C9orf153: variants seen among roughly 807,000 people sequenced by gnomAD.
C9orf153 encodes the protein chromosome 9 open reading frame 153, also known as uncharacterized protein C9orf153.
Under a neutral mutation model 9.0 loss-of-function variants are expected in C9orf153, and 10 were observed. The observed-to-expected ratio is 1.11, with a 90% CI of 0.69 to 1.89. The LOEUF is 1.89. Among genes scored for constraint, C9orf153 ranks in the 40% most tolerant of loss-of-function variants. C9orf153 has a pLI of 0.00. For synonymous variants in C9orf153, 35 were observed against 37.3 expected, an observed-to-expected ratio of 0.94 and a Z score of 0.23; for missense variants, 108 against 111.0, an observed-to-expected ratio of 0.97 and a Z score of 0.12.
chr9:86,242,970 C>T (rs559115568), intron 1 of C9orf153, among the ~76,000 whole-genome samples: 4 of 152,302 alleles, frequency 2.6e-5, no homozygotes, highest in South Asian at 2.1e-4. Flanking sequence ...TGAACCACCA[C>T]GCCCAGCCCC....
intron 1 of C9orf153, chr9:86,258,759 T>C (rs1035788404): frequency 3.9e-5 from 6 of 152,312 alleles, no homozygotes; most frequent in African/African-American, 1.4e-4. Context: ...TATACTTAAA[T>C]TTTAGAGCAA....
intron 2 of C9orf153, chr9:86,228,676 G>C (rs1824395039): frequency 6.6e-6 from 1 of 152,412 alleles, no homozygotes; most frequent in Non-Finnish European, 1.5e-5. Flanking sequence ...TCCTTTCTAA[G>C]AGGTTTCTTA....
At chr9:86,241,923 G>A (rs1477538373) in intron 1 of C9orf153, among the ~76,000 whole-genome samples, 1 of 152,200 alleles carries the variant, frequency 6.6e-6, no homozygotes, top group Non-Finnish European at 1.5e-5. Flanking sequence ...ACTATGCCCG[G>A]CCTCTTGTGG....
chr9:86,251,525 TA>T (rs1270379244), intron 1 of C9orf153, among the ~76,000 whole-genome samples: 1 of 152,026 alleles, frequency 6.6e-6, no homozygotes, highest in Non-Finnish European at 1.5e-5. Flanking sequence ...CAAAGTGTAA[TA>T]AGAAAAGTAG....
intron 1 of C9orf153, among the ~76,000 whole-genome samples, chr9:86,252,913 A>G (rs1409340829): frequency 6.6e-6 from 1 of 152,226 alleles, no homozygotes; most frequent in Non-Finnish European, 1.5e-5. Context: ...GAACTGATAG[A>G]GAACTGAAAT....
At chr9:86,249,837 G>A (rs1162283413) in intron 1 of C9orf153, among the ~76,000 whole-genome samples, 1 of 152,174 alleles carries the variant, frequency 6.6e-6, no homozygotes, top group Non-Finnish European at 1.5e-5. Context: ...ATGAGACACT[G>A]CACTTGGCCA....
intron 1 of C9orf153, among the ~76,000 whole-genome samples, chr9:86,253,855 G>A (rs762539656): frequency 6.6e-6 from 1 of 152,148 alleles, no homozygotes; most frequent in Non-Finnish European, 1.5e-5. Flanking sequence ...CCTTTGGGAG[G>A]CCAAGGAGGG....
Position 86,239,432 on chromosome 9 carries a change from A to T in C9orf153, c.-26-9803T>A, listed in dbSNP as rs959781201. 1.3e-5 allele frequency among the ~76,000 whole-genome samples: 2 copies of T among 152,170 alleles called. 1 individual carries two copies. The highest frequency in any genetic ancestry group is 2.9e-5 in the Non-Finnish European group (2 of 68,020). Reference sequence around the variant, plus strand: ...AAGACACATTTTCAGATCAGCAGAAAGAAAAAAAAAGAAATGGATGAAGGC... The same window carrying T: ...AAGACACATTTTCAGATCAGCAGAATGAAAAAAAAAGAAATGGATGAAGGC... On this transcript the variant is annotated intron_variant, in intron 1 of 3. Coordinates refer to ENST00000339137, the MANE Select transcript of C9orf153 (RefSeq NM_001276366.4).
At chr9:86,250,475 C>T (rs1244494038) in intron 1 of C9orf153, among the ~76,000 whole-genome samples, 1 of 152,122 alleles carries the variant, frequency 6.6e-6, no homozygotes, top group Non-Finnish European at 1.5e-5. Flanking sequence ...GTTTCTGAGC[C>T]CCAACAGTAC....
intron 1 of C9orf153, among the ~76,000 whole-genome samples, chr9:86,233,674 C>A (rs1446163219): frequency 6.7e-6 from 1 of 150,206 alleles, no homozygotes; most frequent in Non-Finnish European, 1.5e-5. Context: ...GCCCTGGCCT[C>A]CTAAAGTGCT....
chr9:86,249,223 A>G (rs935986481), intron 1 of C9orf153, among the ~76,000 whole-genome samples: 6 of 152,212 alleles, frequency 3.9e-5, no homozygotes, highest in African/African-American at 1.4e-4. Flanking sequence ...AAACTAAATT[A>G]CAACCAAGAA....
At chr9:86,247,796 C>T (rs1488577936) in intron 1 of C9orf153, among the ~76,000 whole-genome samples, 1 of 152,226 alleles carries the variant, frequency 6.6e-6, no homozygotes, top group Non-Finnish European at 1.5e-5. Flanking sequence ...CTCAAAGATA[C>T]ACTGATTGTT....
intron 1 of C9orf153, among the ~76,000 whole-genome samples, chr9:86,242,282 T>C (rs1824762089): frequency 6.6e-6 from 1 of 151,848 alleles, no homozygotes; most frequent in Non-Finnish European, 1.5e-5. Context: ...AAGAGAGCCC[T>C]GCCTTCTTAG....
Position 86,220,922 on chromosome 9 carries a change from CCT to C in C9orf153, c.*764_*765del, listed in dbSNP as rs1824186729. ...CAATGCTGTCTTCCAACTTGTTAGC[CCT>C]CTCTCTTCAGATATATCCAGGCTAC... On this transcript the variant is annotated 3_prime_UTR_variant, in exon 4 of 4. Transcript: ENST00000339137. 6.6e-6 allele frequency: 1 copy of C among 151,990 alleles called. No individual in the cohort carries two copies. The highest frequency in any genetic ancestry group is 1.5e-5 in the Non-Finnish European group (1 of 68,008). The allele number at this position is 151,990 out of a possible 1,614,324, so 9.4% of individuals were successfully genotyped here.
At chr9:86,256,433 ATGAAC>A (rs1409494819) in intron 1 of C9orf153, among the ~76,000 whole-genome samples, 4 of 152,256 alleles carry the variant, frequency 2.6e-5, no homozygotes, top group Non-Finnish European at 5.9e-5. Flanking sequence ...ATTAACCAGA[ATGAAC>A]TGTATCCTGC....
intron 1 of C9orf153, among the ~76,000 whole-genome samples, chr9:86,235,404 T>A: frequency 6.6e-6 from 1 of 152,302 alleles, no homozygotes; most frequent in South Asian, 2.1e-4. Context: ...TGGCTATGGC[T>A]GAGGACAGAA....
At chr9:86,242,821 A>T (rs1824777983) in intron 1 of C9orf153, among the ~76,000 whole-genome samples, 1 of 152,076 alleles carries the variant, frequency 6.6e-6, no homozygotes, top group South Asian at 2.1e-4. Flanking sequence ...TGGGATTACA[A>T]GTACCCACCA....
At chr9:86,227,685 C>G (rs768373318) in intron 3 of C9orf153, 170 bp downstream of exon 3, 12 of 985,172 alleles carry the variant, frequency 1.2e-5, no homozygotes, top group Non-Finnish European at 1.4e-5. Flanking sequence ...TTCGAGTGAT[C>G]GGTGAGAATT....
At chr9:86,227,412 A>G in intron 3 of C9orf153, 2 of 1,478,472 alleles carry the variant, frequency 1.4e-6, no homozygotes, top group Non-Finnish European at 9.0e-7. Flanking sequence ...TAAAGCAAAC[A>G]TATTAATAGC....
Sources: gnomAD v4.1 joint callset for allele counts (sites outside exome capture counted in the v4.1 genomes callset) on GRCh38, gnomAD v4.1.1 for gene constraint, MANE v1.5 for transcripts, NCBI Gene and HGNC (gene_info 2026-07-23, HGNC 2026-07-21) for gene names.